Variants in SPIN2A observed in about 807,000 individuals in gnomAD.
SPIN2A encodes the protein spindlin family member 2A.
A neutral mutation model predicts 9.2 loss-of-function variants in SPIN2A; 4 were observed. The observed-to-expected ratio is 0.44, with a 90% CI of 0.21 to 1.00. The LOEUF (loss-of-function observed/expected upper bound fraction) is 1.00, where lower values mean the gene tolerates loss of function less well. SPIN2A is among the 50% of genes least tolerant of loss of function. The pLI, the probability that SPIN2A is intolerant of heterozygous loss-of-function variation, is 0.26. For missense variants in SPIN2A, 77 were observed against 172.8 expected, an observed-to-expected ratio of 0.45 and a Z score of 3.11; for synonymous variants, 25 against 61.2, an observed-to-expected ratio of 0.41 and a Z score of 2.76.
chrX:57,139,119 A>G (rs1320378973), upstream of SPIN2A, among the ~76,000 whole-genome samples: 1 of 112,231 alleles, frequency 8.9e-6, no homozygotes, highest in Non-Finnish European at 1.9e-5. Flanking sequence ...TACTCAAGAA[A>G]TCGTTGCTCA....
chrX:57,137,262 C>G lies in SPIN2A; in HGVS notation c.-8G>C, dbSNP rs930275057. 6.3e-5 allele frequency: 48 copies of G among 760,385 alleles called. No homozygotes were observed. The Admixed American group carries it at 1.4e-3, about 22-fold the overall frequency. The allele number at this position is 760,385 out of a possible 1,213,427, so 62.7% of individuals were successfully genotyped here. Reference sequence around the variant, plus strand: ...CCTCACGTGCCGAAATCGGATACCTCGATGCTGCCTCTGCTGTGAGCCTGT... The same window carrying G: ...CCTCACGTGCCGAAATCGGATACCTGGATGCTGCCTCTGCTGTGAGCCTGT... On this transcript the variant is annotated splice_region_variant and 5_prime_UTR_variant, in exon 1 of 2. Transcript: ENST00000374906.
At chrX:57,135,003 G>C (rs1454242393), downstream of SPIN2A, 1 of 111,826 alleles carries the variant, frequency 8.9e-6, no homozygotes, top group African/African-American at 3.3e-5. Context: ...GCCAGGAAGA[G>C]CAATGTGGAC....
At chrX:57,139,622 T>G (rs1927943237), upstream of SPIN2A, among the ~76,000 whole-genome samples, 1 of 110,745 alleles carries the variant, frequency 9.0e-6, no homozygotes, top group Non-Finnish European at 1.9e-5. Flanking sequence ...CTGGGCTAAT[T>G]TTTTTGTATT....
At chrX:57,134,529 C>A (rs913825982), downstream of SPIN2A, 3 of 111,477 alleles carry the variant, frequency 2.7e-5, no homozygotes, top group African/African-American at 9.8e-5. Flanking sequence ...CTCCCCATAC[C>A]CTCGAGAGAA....
At chrX:57,146,154 A>G in the SPIN2A span, among the ~76,000 whole-genome samples, 1 of 110,312 alleles carries the variant, frequency 9.1e-6, no homozygotes, top group Non-Finnish European at 1.9e-5. Context: ...GGTTGCTTTT[A>G]ACAGTATGGT....
upstream of SPIN2A, among the ~76,000 whole-genome samples, chrX:57,138,921 A>G (rs1481897092): frequency 8.9e-6 from 1 of 112,005 alleles, no homozygotes; most frequent in Non-Finnish European, 1.9e-5. Flanking sequence ...TTGATTTTTT[A>G]CTATTGAGTT....
the SPIN2A span, among the ~76,000 whole-genome samples, chrX:57,145,423 ATTTG>A: frequency 1.8e-5 from 2 of 110,899 alleles, no homozygotes; most frequent in Non-Finnish European, 1.9e-5. Flanking sequence ...TTTCTTGCTA[ATTTG>A]TTTGAGTTCC....
upstream of SPIN2A, among the ~76,000 whole-genome samples, chrX:57,142,124 T>C (rs1313345002): frequency 8.9e-6 from 1 of 112,315 alleles, no homozygotes; most frequent in Non-Finnish European, 1.9e-5. Flanking sequence ...TGATTTTTAT[T>C]ATTTCTTTCC....
chrX:57,143,475 G>A, the SPIN2A span, among the ~76,000 whole-genome samples: 7 of 109,193 alleles, frequency 6.4e-5, no homozygotes, highest in South Asian at 1.6e-3. Flanking sequence ...AAAATTGCTC[G>A]TATTATTATT....
chrX:57,137,497 GCAGTGGCTGTAGTCTC>G, upstream of SPIN2A: 8 of 206,155 alleles, frequency 3.9e-5, no homozygotes, highest in Non-Finnish European at 5.8e-5. Context: ...AGTCCCTGAT[GCAGTGGCTGTAGTCTC>G]TGCCCTTTTT....
chrX:57,137,380 G>A lies in SPIN2A; in HGVS notation c.-126C>T, dbSNP rs893243742. 1.3e-5 allele frequency: 10 copies of A among 748,419 alleles called. No homozygotes were observed. The African/African-American group carries it at 2.1e-4, about 16-fold the overall frequency. 61.7% of individuals were successfully genotyped at this position (748,419 alleles called of 1,213,427 possible). ...AGATGAGGAGCGTGTGTAGGAGCGC[G>A]GCGAGACAGGCAAAGAGCACTGCAG... On this transcript the variant is annotated 5_prime_UTR_variant, in exon 1 of 2. Coordinates refer to ENST00000374906, the MANE Select transcript of SPIN2A (RefSeq NM_019003.5).
At chrX:57,135,003 G>A (rs1454242393), downstream of SPIN2A, 3 of 111,826 alleles carry the variant, frequency 2.7e-5, no homozygotes, top group African/African-American at 9.8e-5. Flanking sequence ...GCCAGGAAGA[G>A]CAATGTGGAC....
the SPIN2A span, among the ~76,000 whole-genome samples, chrX:57,146,089 C>T: frequency 9.4e-6 from 1 of 106,356 alleles, no homozygotes; most frequent in Non-Finnish European, 1.9e-5. Context: ...GTTGTTTTTT[C>T]TAGTTCTGTG....
At chrX:57,138,013 A>G (rs1927885094), upstream of SPIN2A, among the ~76,000 whole-genome samples, 1 of 111,814 alleles carries the variant, frequency 8.9e-6, no homozygotes, top group South Asian at 3.7e-4. Context: ...AATTCTCTGT[A>G]TATGCATACA....
upstream of SPIN2A, among the ~76,000 whole-genome samples, chrX:57,141,145 A>C (rs190546354): frequency 2.2e-3 from 251 of 111,909 alleles, 1 homozygote; most frequent in Non-Finnish European, 2.6e-3. Flanking sequence ...TTTTTTCATG[A>C]AACGATGTTA....
chrX:57,135,520 T>A, downstream of SPIN2A: 1 of 358,655 alleles, frequency 2.8e-6, no homozygotes, highest in Non-Finnish European at 4.7e-6. Flanking sequence ...GTGCCATTTT[T>A]AAATGACTGA....
At chrX:57,143,179 C>CT in the SPIN2A span, among the ~76,000 whole-genome samples, 2 of 110,620 alleles carry the variant, frequency 1.8e-5, no homozygotes, top group Non-Finnish European at 3.8e-5. Flanking sequence ...TTTCTAAGTC[C>CT]TTTTTTTCTT....
chrX:57,144,923 TACAC>T, the SPIN2A span, among the ~76,000 whole-genome samples: 24 of 105,425 alleles, frequency 2.3e-4, no homozygotes, highest in Middle Eastern at 5.1e-3. Flanking sequence ...TGTGTGTGCA[TACAC>T]ACACACACAC....
chrX:57,137,215 G>C (rs1927841204), intron 1 of SPIN2A, 45 bp downstream of exon 1: 1 of 760,028 alleles, frequency 1.3e-6, no homozygotes, highest in African/African-American at 2.3e-5. Flanking sequence ...CCTGCCTGGC[G>C]TCCACCGCCG....
Sources: gnomAD v4.1 joint callset for allele counts (sites outside exome capture counted in the v4.1 genomes callset) on GRCh38, gnomAD v4.1.1 for gene constraint, MANE v1.5 for transcripts, NCBI Gene and HGNC (gene_info 2026-07-23, HGNC 2026-07-21) for gene names.